Variants in ROBO2 observed in about 807,000 individuals in gnomAD.
The protein encoded by ROBO2 is roundabout guidance receptor 2, also known as roundabout homolog 2.
ROBO2 carries 53 observed loss-of-function variants against 160.8 expected under a neutral mutation model. The observed-to-expected ratio is 0.33, with a 90% CI of 0.26 to 0.41. ROBO2 has a LOEUF of 0.41. ROBO2 is among the 10% of genes least tolerant of loss of function. The pLI is 1.00. For missense variants in ROBO2, 1,577 were observed against 1,722.4 expected (o/e 0.92, Z 1.49); for synonymous variants, 664 against 611.7 (o/e 1.09, Z -1.26).
At chr3:76,949,971 G>A (rs1024667060) in intron 2 of ROBO2, among the ~76,000 whole-genome samples, 4 of 152,186 alleles carry the variant, frequency 2.6e-5, no homozygotes, top group African/African-American at 9.7e-5. Context: ...ATCTCATTAG[G>A]ATTAGCTGAA....
At chr3:76,549,197 A>G (rs1294270676) in intron 2 of ROBO2, among the ~76,000 whole-genome samples, 1 of 152,092 alleles carries the variant, frequency 6.6e-6, no homozygotes, top group Admixed American at 6.6e-5. Context: ...TTTATTTTTA[A>G]GTTTTAAAAA....
At chr3:76,190,359 T>A (rs1410420098) in intron 2 of ROBO2, among the ~76,000 whole-genome samples, 2 of 152,128 alleles carry the variant, frequency 1.3e-5, no homozygotes, top group Non-Finnish European at 2.9e-5. Flanking sequence ...TGGAAACTAA[T>A]AAAATCTTAT....
intron 2 of ROBO2, among the ~76,000 whole-genome samples, chr3:77,102,232 G>C (rs919354982): frequency 1.3e-5 from 2 of 152,150 alleles, no homozygotes; most frequent in African/African-American, 4.8e-5. Context: ...TGGAGAATTA[G>C]AGCAGGGTAC....
At chr3:76,453,707 C>G (rs1179553427) in intron 2 of ROBO2, among the ~76,000 whole-genome samples, 1 of 152,080 alleles carries the variant, frequency 6.6e-6, no homozygotes, top group East Asian at 1.9e-4. Context: ...ACCTGCCAAA[C>G]ATGTCATGGG....
rs2091536943 is a variant in ROBO2, at chr3:76,656,623, T to G, written c.110-441391T>G. On this transcript the variant is annotated intron_variant, in intron 2 of 26. Coordinates refer to the ROBO2 transcript ENST00000487694. ...ACTTGTAAGGTTCATTACCTTTGTT[T>G]TGTTTTGTTTTGTTTTGTTTACATT... 2.6e-5 allele frequency among the ~76,000 whole-genome samples: 4 copies of G among 151,290 alleles called. No homozygotes were observed. The South Asian group carries it at 8.3e-4, about 31-fold the overall frequency.
At chr3:76,456,962 A>G (rs1191168144) in intron 2 of ROBO2, among the ~76,000 whole-genome samples, 1 of 152,156 alleles carries the variant, frequency 6.6e-6, no homozygotes, top group South Asian at 2.1e-4. Flanking sequence ...CCCATGATTC[A>G]ATTACCTCCT....
intron 2 of ROBO2, among the ~76,000 whole-genome samples, chr3:77,435,313 TC>T (rs2079167806): frequency 6.6e-6 from 1 of 151,956 alleles, no homozygotes; most frequent in Non-Finnish European, 1.5e-5. Flanking sequence ...AAAAAACACC[TC>T]CTTTTTGCAG....
At chr3:77,557,508 G>A (rs1432153372) in intron 8 of ROBO2, among the ~76,000 whole-genome samples, 1 of 151,874 alleles carries the variant, frequency 6.6e-6, no homozygotes, top group African/African-American at 2.4e-5. Context: ...ATGCAAAAGT[G>A]AAAATTGGCT....
chr3:76,476,407 T>C (rs2107210361), intron 2 of ROBO2, among the ~76,000 whole-genome samples: 2 of 152,228 alleles, frequency 1.3e-5, no homozygotes, highest in African/African-American at 4.8e-5. Context: ...GGTAGAATGC[T>C]TACCGTATAG....
chr3:76,266,683 C>T (rs987092333), intron 2 of ROBO2, among the ~76,000 whole-genome samples: 1 of 152,088 alleles, frequency 6.6e-6, no homozygotes, highest in South Asian at 2.1e-4. Flanking sequence ...AGTGATTTGT[C>T]CAGTCTCATT....
At chr3:77,057,885 T>C (rs2065915101) in intron 1 of ROBO2, among the ~76,000 whole-genome samples, 2 of 151,978 alleles carry the variant, frequency 1.3e-5, no homozygotes, top group Admixed American at 1.3e-4. Flanking sequence ...TTTTAAAAAA[T>C]ATGTGGCTGA....
At chr3:77,624,397 G>A (rs761267850) in intron 23 of ROBO2, among the ~76,000 whole-genome samples, 4 of 151,974 alleles carry the variant, frequency 2.6e-5, no homozygotes, top group Non-Finnish European at 5.9e-5. Flanking sequence ...TAGGGAGTGA[G>A]TACGTGTATA....
intron 8 of ROBO2, among the ~76,000 whole-genome samples, chr3:77,553,871 G>A (rs1025616785): frequency 7.7e-6 from 1 of 129,706 alleles, no homozygotes; most frequent in Non-Finnish European, 1.7e-5. Flanking sequence ...AGCATCAAGG[G>A]CTAATATGGA....
intron 2 of ROBO2, among the ~76,000 whole-genome samples, chr3:77,463,804 C>T (rs1215183452): frequency 6.6e-6 from 1 of 152,074 alleles, no homozygotes; most frequent in Non-Finnish European, 1.5e-5. Context: ...TGGTCTCGAA[C>T]TCCTGAGCTC....
At chr3:76,551,044 C>A (rs778631764) in intron 2 of ROBO2, among the ~76,000 whole-genome samples, 60 of 151,994 alleles carry the variant, frequency 3.9e-4, no homozygotes, top group South Asian at 8.4e-4. Flanking sequence ...GTCTCGGGGG[C>A]GAGCTGCCAG....
At chr3:76,846,486 C>T (rs1290873965) in intron 2 of ROBO2, among the ~76,000 whole-genome samples, 3 of 151,952 alleles carry the variant, frequency 2.0e-5, no homozygotes, top group Admixed American at 6.6e-5. Context: ...AAAGATGAAT[C>T]GATTTTTTGT....
At chr3:76,161,056 G>T (rs1275008453) in intron 2 of ROBO2, among the ~76,000 whole-genome samples, 1 of 151,956 alleles carries the variant, frequency 6.6e-6, no homozygotes, top group African/African-American at 2.4e-5. Flanking sequence ...ACTAAAGCTT[G>T]TATTTCTTCT....
At chr3:77,466,477 T>C (rs1487225032) in intron 2 of ROBO2, among the ~76,000 whole-genome samples, 1 of 152,322 alleles carries the variant, frequency 6.6e-6, no homozygotes, top group East Asian at 1.9e-4. Context: ...GATGATGATG[T>C]GATTCATGTG....
intron 2 of ROBO2, among the ~76,000 whole-genome samples, chr3:76,887,685 C>T (rs1171814794): frequency 1.3e-5 from 2 of 152,142 alleles, no homozygotes; most frequent in Admixed American, 1.3e-4. Flanking sequence ...TGGATCCCAG[C>T]CCCAATATTC....
Sources: allele counts gnomAD v4.1 joint callset (sites outside exome capture counted in the v4.1 genomes callset), GRCh38; gene constraint gnomAD v4.1.1; transcripts MANE v1.5; gene names NCBI Gene and HGNC (gene_info 2026-07-23, HGNC 2026-07-21).